The following SLC35F3 variants were observed in gnomAD, a reference collection of about 807,000 sequenced individuals.
SLC35F3 encodes solute carrier family 35 member F3, also known as putative thiamine transporter SLC35F3.
In SLC35F3, 25 loss-of-function variants were observed where a neutral mutation model predicts 49.9. The observed-to-expected ratio is 0.50, with a 90% CI of 0.37 to 0.70. The LOEUF is 0.70. SLC35F3 is among the 30% of genes least tolerant of loss of function. The pLI is 0.00. For missense variants in SLC35F3, 525 were observed against 639.8 expected (o/e 0.82, Z 1.94); for synonymous variants, 275 against 265.4 (o/e 1.04, Z -0.35).
chr1:234,295,164 G>A (rs949697372), intron 3 of SLC35F3, among the ~76,000 whole-genome samples: 9 of 152,242 alleles, frequency 5.9e-5, no homozygotes, highest in Admixed American at 5.9e-4. Flanking sequence ...AGATCACTAG[G>A]ACAAGATATT....
intron 3 of SLC35F3, among the ~76,000 whole-genome samples, chr1:234,280,990 T>A (rs1355079226): frequency 6.6e-6 from 1 of 152,154 alleles, no homozygotes. Context: ...TTGGGTTCCA[T>A]GCTGCATGCC....
intron 2 of SLC35F3, among the ~76,000 whole-genome samples, chr1:234,049,654 A>T (rs1664346057): frequency 6.6e-6 from 1 of 152,070 alleles, no homozygotes; most frequent in Admixed American, 6.5e-5. Context: ...TTGTTTTATT[A>T]TACTTTAAGT....
At position 233,905,554 on chromosome 1, in the gene SLC35F3, A is replaced by T; in HGVS notation, c.79A>T (p.Ser27Cys). 6.2e-7 allele frequency: 1 copy of T among 1,613,876 alleles called. No homozygotes were observed. The highest frequency in any genetic ancestry group is 2.2e-5 in the East Asian group (1 of 44,868). ...TGGCATGAGGAGGTCACCGGACGTC[A>T]GCCCCCGGAGACTGTCCGACATCAG... The part of the protein sequence containing the change: ...AVGMRRSPDV[S>C]PRRLSDISPQ... Residue 27 changes from serine to cysteine, a missense_variant, in exon 2 of 8, where the codon AGC becomes TGC. Ser to Cys is a moderately radical substitution (Grantham distance 112). This residue lies in a region of SLC35F3 where 228 missense variants were observed against 218.9 expected (regional missense o/e 1.04). Transcript: ENST00000366618.
At chr1:234,097,078 AG>A (rs1665136345) in intron 2 of SLC35F3, among the ~76,000 whole-genome samples, 1 of 151,910 alleles carries the variant, frequency 6.6e-6, no homozygotes, top group Non-Finnish European at 1.5e-5. Context: ...TAGTAGAGAC[AG>A]GGTTTCTTCA....
intron 2 of SLC35F3, among the ~76,000 whole-genome samples, chr1:234,137,809 G>A (rs968153270): frequency 6.6e-5 from 10 of 152,212 alleles, no homozygotes; most frequent in Admixed American, 2.0e-4. Flanking sequence ...GAAGACAGCA[G>A]CAGGAGCTGG....
intron 2 of SLC35F3, among the ~76,000 whole-genome samples, chr1:234,066,463 C>G (rs993261260): frequency 2.6e-5 from 4 of 152,246 alleles, no homozygotes; most frequent in Admixed American, 2.6e-4. Context: ...GAACTCCAGG[C>G]TGCAGCGGTG....
intron 2 of SLC35F3, among the ~76,000 whole-genome samples, chr1:233,963,591 G>A (rs1283730977): frequency 6.6e-6 from 1 of 152,122 alleles, no homozygotes; most frequent in Admixed American, 6.5e-5. Context: ...ATGAGCCACC[G>A]TGCCCGGCCA....
Position 234,231,344 on chromosome 1 carries a change from G to A in SLC35F3, c.284-73G>A. 3.1e-6 allele frequency: 4 copies of A among 1,286,122 alleles called. No individual in the cohort carries two copies. Among genetic ancestry groups the A allele is most frequent in the Non-Finnish European group, 4.2e-6 (4 of 961,776 alleles). 79.7% of individuals were successfully genotyped at this position (1,286,122 alleles called of 1,614,324 possible). A position where few individuals can be genotyped will look rare whatever the true frequency, so the allele number is the denominator to read the frequency against. On this transcript the variant is annotated intron_variant, in intron 2 of 7. Coordinates refer to ENST00000366618, the MANE Select transcript of SLC35F3 (RefSeq NM_173508.4). The surrounding 1 kb of genome is among the most constrained non-coding windows in gnomAD (Gnocchi z 5.4). ...CAGGTAGCTGGTGGTGACAATGGCT[G>A]CAGGGCAGCGCCCTGCGAAGTGCAG...
intron 2 of SLC35F3, among the ~76,000 whole-genome samples, chr1:234,090,292 G>T (rs1445407457): frequency 6.6e-6 from 1 of 152,280 alleles, no homozygotes; most frequent in African/African-American, 2.4e-5. Context: ...ATGGGTAAGA[G>T]CTATGAAAGA....
intron 3 of SLC35F3, among the ~76,000 whole-genome samples, chr1:234,292,299 G>T (rs1364797966): frequency 6.6e-6 from 1 of 152,146 alleles, no homozygotes; most frequent in Non-Finnish European, 1.5e-5. Context: ...AGATCAGCAG[G>T]GTCTTGATTC....
At chr1:233,975,001 C>A (rs1663058412) in intron 2 of SLC35F3, among the ~76,000 whole-genome samples, 1 of 152,204 alleles carries the variant, frequency 6.6e-6, no homozygotes, top group African/African-American at 2.4e-5. Flanking sequence ...TTCAGGGACA[C>A]CCCTGGGCAT....
chr1:234,158,191 G>C (rs915718480), intron 2 of SLC35F3, among the ~76,000 whole-genome samples: 1 of 152,144 alleles, frequency 6.6e-6, no homozygotes, highest in Non-Finnish European at 1.5e-5. Context: ...CCGTTAAATC[G>C]TGTTAGTCCT....
In SLC35F3 at chr1:233,932,872, A is replaced by G. The variant is rs181567255; in HGVS notation, c.283+27114A>G. Among the ~76,000 whole-genome samples, 380 of 152,326 alleles carry G rather than the reference A, an allele frequency of 2.5e-3. 2 individuals carry two copies. The highest frequency in any genetic ancestry group is 2.5e-3 in the Non-Finnish European group (170 of 68,026). Reference sequence around the variant, plus strand: ...ATAATCCCATTTGTTTTGGATATCTACATGTTTGTAAATGGAAGCACATCT... The same window carrying G: ...ATAATCCCATTTGTTTTGGATATCTGCATGTTTGTAAATGGAAGCACATCT... On this transcript the variant is annotated intron_variant, in intron 2 of 7. Transcript: ENST00000366618.
At position 234,323,606 on chromosome 1, in the gene SLC35F3, G is replaced by A. The variant is rs1418952751; in HGVS notation, c.*363G>A. 3.3e-5 allele frequency: 8 copies of A among 244,984 alleles called. No homozygotes were observed. The highest frequency in any genetic ancestry group is 4.0e-5 in the Non-Finnish European group (5 of 125,982). The allele number at this position is 244,984 out of a possible 1,614,324, so 15.2% of individuals were successfully genotyped here. A position where few individuals can be genotyped will look rare whatever the true frequency, so the allele number is the denominator to read the frequency against. ...AATCTTAGCAACTGAACATGACATTGCACACTGTGATTATTTTTCAGCTAT... is the reference window on the plus strand; with the variant it reads ...AATCTTAGCAACTGAACATGACATTACACACTGTGATTATTTTTCAGCTAT... On this transcript the variant is annotated 3_prime_UTR_variant, in exon 8 of 8. Transcript: ENST00000366618. This position sits in a 1 kb window ranked among gnomAD's most constrained non-coding sequence, Gnocchi z 4.5.
chr1:233,955,805 T>G (rs1015286568), intron 2 of SLC35F3, among the ~76,000 whole-genome samples: 2 of 143,834 alleles, frequency 1.4e-5, no homozygotes, highest in African/African-American at 2.6e-5. Context: ...TGGTCTTGTC[T>G]CCCAGGCTGG....
chr1:234,017,667 T>G (rs976332310), intron 2 of SLC35F3, among the ~76,000 whole-genome samples: 3 of 136,756 alleles, frequency 2.2e-5, no homozygotes, highest in African/African-American at 8.3e-5. Context: ...TGAGCCGAGA[T>G]CGCACCACTG....
chr1:234,220,762 C>G (rs142029012), intron 2 of SLC35F3, among the ~76,000 whole-genome samples: 5 of 152,024 alleles, frequency 3.3e-5, no homozygotes, highest in African/African-American at 1.2e-4. Flanking sequence ...GAAGATTATG[C>G]CTAAACAATT....
intron 2 of SLC35F3, among the ~76,000 whole-genome samples, chr1:234,083,568 G>C (rs142868159): frequency 6.6e-6 from 1 of 152,140 alleles, no homozygotes; most frequent in Non-Finnish European, 1.5e-5. Context: ...AGTACCTTCT[G>C]CACCCTCGAT....
At chr1:234,147,827 A>T (rs1008074888) in intron 2 of SLC35F3, among the ~76,000 whole-genome samples, 14 of 152,220 alleles carry the variant, frequency 9.2e-5, no homozygotes, top group African/African-American at 3.4e-4. Flanking sequence ...ATTACAGTAC[A>T]GAGTGCTGGG....
Sources: allele counts gnomAD v4.1 joint callset (sites outside exome capture counted in the v4.1 genomes callset), GRCh38; gene constraint gnomAD v4.1.1; regional missense constraint gnomAD v4.1.1; non-coding constraint Gnocchi (gnomAD v3.1); transcripts MANE v1.5; gene names NCBI Gene and HGNC (gene_info 2026-07-23, HGNC 2026-07-21).